Variants in KCNK10 observed in about 807,000 individuals in gnomAD.
KCNK10 encodes potassium channel subfamily K member 10.
Under a neutral mutation model 47.7 loss-of-function variants are expected in KCNK10, and 25 were observed. That is an observed-to-expected ratio of 0.52 (90% CI 0.38 to 0.73). KCNK10 has a LOEUF of 0.73. Among genes scored for constraint, KCNK10 ranks in the 30% least tolerant of loss-of-function variants. The probability of loss-of-function intolerance (pLI) is 0.00; values close to 1 mark genes in which losing one functional copy is unlikely to be tolerated. For missense variants in KCNK10, 563 were observed against 714.5 expected (o/e 0.79, Z 2.42); for synonymous variants, 303 against 285.6 (o/e 1.06, Z -0.61).
At chr14:88,213,921 T>TTTATTATTATTATTATTATTA (rs35954048) in intron 4 of KCNK10, among the ~76,000 whole-genome samples, 120 of 126,414 alleles carry the variant, frequency 9.5e-4, no homozygotes, top group South Asian at 3.4e-3. Flanking sequence ...TTTATTTTAC[T>TTTATTATTATTATTATTATTA]TTATTATTAT....
At chr14:88,294,650 C>G (rs562697002) in intron 1 of KCNK10, among the ~76,000 whole-genome samples, 9 of 152,154 alleles carry the variant, frequency 5.9e-5, no homozygotes, top group Non-Finnish European at 1.0e-4. Flanking sequence ...AATATACAAA[C>G]GTCCTCATAG....
At chr14:88,222,036 A>C (rs1334991906) in intron 4 of KCNK10, among the ~76,000 whole-genome samples, 1 of 152,220 alleles carries the variant, frequency 6.6e-6, no homozygotes, top group Admixed American at 6.5e-5. Context: ...AACTGGGAAC[A>C]AAAAGAGGCT....
At chr14:88,282,613 G>A (rs894332119) in intron 1 of KCNK10, among the ~76,000 whole-genome samples, 1 of 152,176 alleles carries the variant, frequency 6.6e-6, no homozygotes, top group Non-Finnish European at 1.5e-5. Flanking sequence ...CTACTGGCAT[G>A]AAGGGAACTA....
chr14:88,278,727 C>T (rs1887582401), intron 1 of KCNK10, among the ~76,000 whole-genome samples: 1 of 152,190 alleles, frequency 6.6e-6, no homozygotes, highest in Non-Finnish European at 1.5e-5. Context: ...TCAACCCATA[C>T]TTAATTGCTT....
Position 88,186,313 on chromosome 14 carries a change from T to G in KCNK10, c.1012-158A>C, listed in dbSNP as rs533416482. ...AAATGCTACCTTCTGCCCTAGTACT[T>G]CTGCCACCTGGACACCCATCCCTAA... On this transcript the variant is annotated intron_variant, in intron 6 of 6. Coordinates refer to ENST00000319231, the MANE Select transcript of KCNK10 (RefSeq NM_138317.3). The surrounding 1 kb of genome is among the most constrained non-coding windows in gnomAD (Gnocchi z 5.5). Among the ~76,000 whole-genome samples the G allele has an allele frequency of 2.6e-5, 4 of 152,114 alleles. No homozygotes were observed. The South Asian group carries it at 8.3e-4, about 32-fold the overall frequency.
intron 4 of KCNK10, among the ~76,000 whole-genome samples, chr14:88,226,257 G>A (rs960610414): frequency 6.6e-6 from 1 of 152,184 alleles, no homozygotes; most frequent in Admixed American, 6.5e-5. Flanking sequence ...CCCAGCTATG[G>A]TGCCTCGTTC....
chr14:88,221,995 G>C (rs10146904), intron 4 of KCNK10, among the ~76,000 whole-genome samples: 1,710 of 152,298 alleles, frequency 0.011, 38 homozygotes, highest in African/African-American at 0.04. Context: ...GTATAAGTCC[G>C]TTTTCACGCT....
chr14:88,299,074 G>A (rs1595128165), intron 1 of KCNK10, among the ~76,000 whole-genome samples: 1 of 152,166 alleles, frequency 6.6e-6, no homozygotes, highest in African/African-American at 2.4e-5. Context: ...CGTAAGTACC[G>A]AATACATGTC....
intron 4 of KCNK10, among the ~76,000 whole-genome samples, chr14:88,224,614 T>C (rs1266633120): frequency 6.6e-6 from 1 of 152,214 alleles, no homozygotes; most frequent in East Asian, 1.9e-4. Flanking sequence ...ACTTTATTTA[T>C]TGATTGATTG....
At chr14:88,318,886 C>G (rs1478087568) in intron 1 of KCNK10, among the ~76,000 whole-genome samples, 1 of 152,218 alleles carries the variant, frequency 6.6e-6, no homozygotes, top group Non-Finnish European at 1.5e-5. Flanking sequence ...TTTTTTTACA[C>G]TGTATTCATC....
At chr14:88,188,990 T>C (rs1884658978) in intron 5 of KCNK10, among the ~76,000 whole-genome samples, 1 of 152,186 alleles carries the variant, frequency 6.6e-6, no homozygotes, top group African/African-American at 2.4e-5. Context: ...GACATCAGCC[T>C]CAATCTCTCT....
intron 1 of KCNK10, among the ~76,000 whole-genome samples, chr14:88,312,494 C>T (rs921954916): frequency 1.3e-5 from 2 of 152,202 alleles, no homozygotes; most frequent in African/African-American, 4.8e-5. Flanking sequence ...TGCAGGAACA[C>T]ACCAGACACA....
intron 4 of KCNK10, among the ~76,000 whole-genome samples, chr14:88,192,906 G>A (rs1415288862): frequency 6.6e-6 from 1 of 152,188 alleles, no homozygotes; most frequent in Admixed American, 6.5e-5. Flanking sequence ...ATCTGAGTCA[G>A]GCCAAAATGT....
chr14:88,245,677 CA>C (rs1340387839), intron 2 of KCNK10, among the ~76,000 whole-genome samples: 8 of 152,100 alleles, frequency 5.3e-5, no homozygotes, highest in African/African-American at 1.9e-4. Context: ...TATGTGCCAC[CA>C]AAAAGAAAGA....
intron 5 of KCNK10, 126 bp from the exon 6 acceptor site, chr14:88,188,235 G>A (rs1884636453): frequency 8.5e-7 from 1 of 1,179,232 alleles, no homozygotes; most frequent in African/African-American, 1.5e-5. Context: ...TAGGTTTGCT[G>A]TGTACAAGGT....
intron 2 of KCNK10, among the ~76,000 whole-genome samples, chr14:88,261,705 A>G (rs1887116458): frequency 6.6e-6 from 1 of 152,028 alleles, no homozygotes; most frequent in Admixed American, 6.6e-5. Context: ...ACCTGCAATG[A>G]GCCATGATCA....
chr14:88,248,996 T>C (rs919371613), intron 2 of KCNK10, among the ~76,000 whole-genome samples: 2 of 152,234 alleles, frequency 1.3e-5, no homozygotes, highest in Non-Finnish European at 2.9e-5. Context: ...GAGCTGAGAC[T>C]GGTTAAAAGT....
intron 4 of KCNK10, among the ~76,000 whole-genome samples, chr14:88,203,244 G>A (rs1256134751): frequency 6.6e-6 from 1 of 152,184 alleles, no homozygotes; most frequent in African/African-American, 2.4e-5. Context: ...CCAGTTCCAT[G>A]GTGTGATTTG....
intron 2 of KCNK10, among the ~76,000 whole-genome samples, chr14:88,256,729 T>A (rs779419445): frequency 6.6e-6 from 1 of 152,156 alleles, no homozygotes; most frequent in Non-Finnish European, 1.5e-5. Flanking sequence ...GACACCTTCT[T>A]CTCTTTTCCC....
Sources: gnomAD v4.1 joint callset for allele counts (sites outside exome capture counted in the v4.1 genomes callset) on GRCh38, gnomAD v4.1.1 for gene constraint, Gnocchi (gnomAD v3.1) non-coding constraint, MANE v1.5 for transcripts, NCBI Gene and HGNC (gene_info 2026-07-23, HGNC 2026-07-21) for gene names.